VPS9D1: variants seen among roughly 807,000 people sequenced by gnomAD.
VPS9D1 encodes VPS9 domain-containing protein 1.
In VPS9D1, 78 loss-of-function variants were observed where a neutral mutation model predicts 75.8. The ratio of observed to expected loss-of-function variants is 1.03; its 90% CI spans 0.86 to 1.24. The LOEUF is 1.24. VPS9D1 is among the 50% of genes most tolerant of loss of function. The pLI, the probability that VPS9D1 is intolerant of heterozygous loss-of-function variation, is 0.00. For missense variants in VPS9D1, 1,057 were observed against 847.7 expected, an observed-to-expected ratio of 1.25 and a Z score of -3.07; for synonymous variants, 481 against 385.6, an observed-to-expected ratio of 1.25 and a Z score of -2.90.
At position 89,707,930 on chromosome 16, in the gene VPS9D1, G is replaced by A; in HGVS notation, c.1827C>T (p.Tyr609=). The A allele has an allele frequency of 1.2e-6, 2 of 1,613,090 alleles. No homozygotes were observed. The highest frequency in any genetic ancestry group is 1.7e-6 in the Non-Finnish European group (2 of 1,179,948). Residue 609 remains tyrosine (Y), a synonymous_variant, in exon 15 of 15, where the codon TAC becomes TAT. Transcript: ENST00000389386. The part of the protein sequence containing the change: ...HEGYLIGEEG[Y]CLTSLQSALS... ...GGGCACTCTGCAGTGATGTGAGGCA[G>A]TAGCCCTCCTCTCCGATCAGGTACC...
chr16:89,707,763 C>T lies in VPS9D1; in HGVS notation c.*98G>A. On this transcript the variant is annotated 3_prime_UTR_variant, in exon 15 of 15. Transcript: ENST00000389386. ...ACCATGTGCAGAGCAGCGTGAGGCT[C>T]CAGGATGGTCCTCAGTAGATCCCAT... 1 of 1,109,294 alleles carries T rather than the reference C, an allele frequency of 9.0e-7. No homozygotes were observed. Among genetic ancestry groups the T allele is most frequent in the Admixed American group, 1.9e-5 (1 of 52,614 alleles). The allele number at this position is 1,109,294 out of a possible 1,614,324, so 68.7% of individuals were successfully genotyped here. A position where few individuals can be genotyped will look rare whatever the true frequency, so the allele number is the denominator to read the frequency against.
intron 4 of VPS9D1, 134 bp from the exon 5 acceptor site, chr16:89,712,850 G>C: frequency 1.3e-6 from 1 of 762,254 alleles, no homozygotes; most frequent in Non-Finnish European, 2.0e-6. Flanking sequence ...GCCATCTGGG[G>C]TGGGCTGCAA....
intron 2 of VPS9D1, among the ~76,000 whole-genome samples, chr16:89,718,331 C>T (rs1170657325): frequency 2.0e-5 from 3 of 152,188 alleles, no homozygotes. Context: ...GCTGTCCTCT[C>T]CCTCAAAGCT....
chr16:89,719,474 AAT>A (rs527283730), intron 1 of VPS9D1: 215 of 412,062 alleles, frequency 5.2e-4, no homozygotes, highest in African/African-American at 3.8e-3. Flanking sequence ...CATTCTATGC[AAT>A]GTTTCCTTCT....
Position 89,709,771 on chromosome 16 carries a change from C to T in VPS9D1, c.1388+6G>A, listed in dbSNP as rs996058920. Reference sequence around the variant, plus strand: ...CACGCAGGTGGTTGTACAGCTGGGTCCATACCTGTACAGGGCCAGCAGCAG... The same window carrying T: ...CACGCAGGTGGTTGTACAGCTGGGTTCATACCTGTACAGGGCCAGCAGCAG... On this transcript the variant is annotated splice_donor_region_variant and intron_variant, in intron 11 of 14. Transcript: ENST00000389386. 4 of 1,613,500 alleles carry T rather than the reference C, an allele frequency of 2.5e-6. No homozygotes were observed. Among genetic ancestry groups the T allele is most frequent in the East Asian group, 2.2e-5 (1 of 44,874 alleles).
Position 89,718,689 on chromosome 16 carries a change from G to A in VPS9D1, c.175+338C>T, listed in dbSNP as rs573383536. On this transcript the variant is annotated intron_variant, in intron 2 of 14. Coordinates refer to ENST00000389386, the MANE Select transcript of VPS9D1 (RefSeq NM_004913.3). ...TTGTCCAGCATGGAGGAAGCAGCAGGGCTCAGCCATGCCTTTTTCTTTTTC... is the reference window on the plus strand; with the variant it reads ...TTGTCCAGCATGGAGGAAGCAGCAGAGCTCAGCCATGCCTTTTTCTTTTTC... 7.2e-5 allele frequency among the ~76,000 whole-genome samples: 11 copies of A among 152,174 alleles called. No individual in the cohort carries two copies. In the South Asian group the frequency reaches 1.9e-3, roughly 26 times the overall value.
At chr16:89,714,612 T>C (rs1567549205) in intron 4 of VPS9D1, among the ~76,000 whole-genome samples, 1 of 152,038 alleles carries the variant, frequency 6.6e-6, no homozygotes, top group Admixed American at 6.6e-5. Context: ...GCAGGAGGAG[T>C]GGACCCTTCT....
chr16:89,713,419 T>C (rs1304865741), intron 4 of VPS9D1, among the ~76,000 whole-genome samples: 2 of 151,646 alleles, frequency 1.3e-5, no homozygotes, highest in African/African-American at 4.8e-5. Context: ...TATGCCCGGC[T>C]AATTTTTTGT....
intron 2 of VPS9D1, among the ~76,000 whole-genome samples, chr16:89,718,719 CTTTT>C (rs374301742): frequency 6.9e-6 from 1 of 145,260 alleles, no homozygotes; most frequent in African/African-American, 2.5e-5. Context: ...TTTTTCTTTT[CTTTT>C]TTTTTTTTTT....
intron 1 of VPS9D1, chr16:89,720,349 T>C: frequency 3.3e-6 from 3 of 916,858 alleles, no homozygotes; most frequent in Non-Finnish European, 3.9e-6. Context: ...GCATCACAAA[T>C]GAGCAGGTAT....
chr16:89,716,829 G>C lies in VPS9D1; in HGVS notation c.176-7C>G. 1 of 1,586,414 alleles carries C rather than the reference G, an allele frequency of 6.3e-7. No individual in the cohort carries two copies. The highest frequency in any genetic ancestry group is 2.3e-5 in the East Asian group (1 of 44,436). ...GGCACAGTTTCCCCAGCTTCTGGGGGAGGGACAAGAAGGCTGGTCACAGTC... is the reference window on the plus strand; with the variant it reads ...GGCACAGTTTCCCCAGCTTCTGGGGCAGGGACAAGAAGGCTGGTCACAGTC... On this transcript the variant is annotated splice_polypyrimidine_tract_variant and splice_region_variant and intron_variant, in intron 2 of 14. Coordinates refer to ENST00000389386, the MANE Select transcript of VPS9D1 (RefSeq NM_004913.3).
chr16:89,710,863 G>A lies in VPS9D1; in HGVS notation c.981C>T (p.Pro327=), dbSNP rs895130018. 4 of 1,512,956 alleles carry A rather than the reference G, an allele frequency of 2.6e-6. No individual in the cohort carries two copies. The highest frequency in any genetic ancestry group is 2.5e-5 in the South Asian group (2 of 81,330). The allele number at this position is 1,512,956 out of a possible 1,614,324, so 93.7% of individuals were successfully genotyped here. Residue 327 remains proline, a synonymous_variant, in exon 10 of 15, where the codon CCC becomes CCT. Coordinates refer to ENST00000389386, the MANE Select transcript of VPS9D1 (RefSeq NM_004913.3). ...ACAGCATGCAATGGAGGCTCTGCGA[G>A]GGCCGCAGCCGTCGGCTTCCGGGGT... ...TPNPGSRRLR[P]SQSLHCMLSP...
chr16:89,718,960 C>T (rs1318013535), intron 2 of VPS9D1, 67 bp downstream of exon 2: 16 of 1,404,046 alleles, frequency 1.1e-5, no homozygotes, highest in Admixed American at 8.6e-5. Context: ...GGTGATAGCC[C>T]GCCTCTGCCT....
At chr16:89,711,784 C>T in intron 8 of VPS9D1, 98 bp downstream of exon 8, 1 of 1,393,150 alleles carries the variant, frequency 7.2e-7, no homozygotes, top group Non-Finnish European at 9.7e-7. Flanking sequence ...CCCCCACAGC[C>T]TCTGGCTCCG....
At position 89,707,755 on chromosome 16, in the gene VPS9D1, G is replaced by A. The variant is rs753953003; in HGVS notation, c.*106C>T. Reference sequence around the variant, plus strand: ...AAGCCCCCACCATGTGCAGAGCAGCGTGAGGCTCCAGGATGGTCCTCAGTA... The same window carrying A: ...AAGCCCCCACCATGTGCAGAGCAGCATGAGGCTCCAGGATGGTCCTCAGTA... On this transcript the variant is annotated 3_prime_UTR_variant, in exon 15 of 15. Transcript: ENST00000389386. 3.5e-5 allele frequency: 34 copies of A among 985,164 alleles called. No individual in the cohort carries two copies. Among genetic ancestry groups the A allele is most frequent in the African/African-American group, 1.3e-4 (8 of 62,016 alleles). 61.0% of individuals were successfully genotyped at this position (985,164 alleles called of 1,614,324 possible). A position where few individuals can be genotyped will look rare whatever the true frequency, so the allele number is the denominator to read the frequency against.
At chr16:89,713,744 C>T (rs1034447034) in intron 4 of VPS9D1, among the ~76,000 whole-genome samples, 1 of 151,660 alleles carries the variant, frequency 6.6e-6, no homozygotes. Flanking sequence ...CACGGTGGCT[C>T]ACGCCTGTAA....
intron 2 of VPS9D1, 46 bp downstream of exon 2, chr16:89,718,981 T>C (rs2061163508): frequency 6.4e-7 from 1 of 1,552,446 alleles, no homozygotes; most frequent in Non-Finnish European, 8.9e-7. Flanking sequence ...CCCACAGTGC[T>C]GGGATTACAG....
intron 1 of VPS9D1, 88 bp downstream of exon 1, chr16:89,720,675 C>A: frequency 7.9e-7 from 1 of 1,270,870 alleles, no homozygotes; most frequent in Non-Finnish European, 9.9e-7. Flanking sequence ...GTCTCCAGCC[C>A]GAGCCGGCCC....
intron 13 of VPS9D1, 84 bp from the exon 14 acceptor site, chr16:89,708,615 G>C: frequency 1.4e-6 from 2 of 1,405,430 alleles, no homozygotes; most frequent in African/African-American, 2.8e-5. Flanking sequence ...CATCCTGGCC[G>C]TGCTGGCCGC....
Sources: gnomAD v4.1 joint callset for allele counts (sites outside exome capture counted in the v4.1 genomes callset) on GRCh38, gnomAD v4.1.1 for gene constraint, MANE v1.5 for transcripts, NCBI Gene and HGNC (gene_info 2026-07-23, HGNC 2026-07-21) for gene names.